PCDH15: variants seen among roughly 807,000 people sequenced by gnomAD.
The protein encoded by PCDH15 is protocadherin related 15, also known as protocadherin-15.
PCDH15 carries 129 observed loss-of-function variants against 178.5 expected under a neutral mutation model. That is an observed-to-expected ratio of 0.72 (90% CI 0.63 to 0.84). The LOEUF (loss-of-function observed/expected upper bound fraction) is 0.84, where lower values mean the gene tolerates loss of function less well. Among genes scored for constraint, PCDH15 ranks in the 40% least tolerant of loss-of-function variants. The pLI is 0.00. For missense variants in PCDH15, 2,230 were observed against 2,099.9 expected, an observed-to-expected ratio of 1.06 and a Z score of -1.21; for synonymous variants, 800 against 732.0, an observed-to-expected ratio of 1.09 and a Z score of -1.50.
At position 54,442,458 on chromosome 10, in the gene PCDH15, AT is replaced by A. The variant is rs376944332; in HGVS notation, c.158-63517del. Among the ~76,000 whole-genome samples, 21 of 94,772 alleles carry A rather than the reference AT, an allele frequency of 2.2e-4. 2 individuals carry two copies. The highest frequency in any genetic ancestry group is 5.4e-4 in the African/African-American group (12 of 22,380). 62.2% of individuals were successfully genotyped at this position (94,772 alleles called of 152,430 possible). A position where few individuals can be genotyped will look rare whatever the true frequency, so the allele number is the denominator to read the frequency against. ...TATATATATATATATATATATATAT[AT>A]ACAGTCTTTTTTATTATAATAAATA... is the stretch of plus-strand genomic sequence containing the variant. On this transcript the variant is annotated intron_variant, in intron 3 of 37. Transcript: ENST00000644397.
chr10:55,277,749 C>G (rs1163841354), intron 1 of PCDH15, among the ~76,000 whole-genome samples: 1 of 152,072 alleles, frequency 6.6e-6, no homozygotes, highest in Non-Finnish European at 1.5e-5. Context: ...AGCAACAGCT[C>G]TATTATGCTG....
chr10:54,837,738 G>T (rs1953342740), intron 3 of PCDH15, among the ~76,000 whole-genome samples: 1 of 152,104 alleles, frequency 6.6e-6, no homozygotes, highest in Non-Finnish European at 1.5e-5. Flanking sequence ...AGCCATTCAT[G>T]AATGAAAATG....
At chr10:55,380,176 G>A (rs1588970732) in intron 2 of PCDH15, among the ~76,000 whole-genome samples, 1 of 152,104 alleles carries the variant, frequency 6.6e-6, no homozygotes, top group East Asian at 1.9e-4. Context: ...ATGTATGGAG[G>A]TAGAAAGAAT....
At chr10:54,967,310 A>G (rs1838817338) in intron 2 of PCDH15, among the ~76,000 whole-genome samples, 1 of 152,170 alleles carries the variant, frequency 6.6e-6, no homozygotes, top group African/African-American at 2.4e-5. Flanking sequence ...TAAGAGTACC[A>G]CTGGATAGGT....
rs557513576 is a variant in PCDH15 at position 55,459,758 on chromosome 10, T to C, written c.-156+167867A>G. 7.9e-5 allele frequency among the ~76,000 whole-genome samples: 12 copies of C among 152,134 alleles called. 1 individual carries two copies. Among genetic ancestry groups the C allele is most frequent in the Admixed American group, 2.6e-4 (4 of 15,248 alleles). On this transcript the variant is annotated intron_variant, in intron 2 of 5. Coordinates refer to the PCDH15 transcript ENST00000613346. Reference sequence around the variant, plus strand: ...ACACTTAAGGTTTAGTCTGGGCAAATGGTTAATGTTGGTGAGTTTAAGAAA... The same window carrying C: ...ACACTTAAGGTTTAGTCTGGGCAAACGGTTAATGTTGGTGAGTTTAAGAAA...
At chr10:53,807,184 A>G in intron 37 of PCDH15, 54 bp from the exon 38 acceptor site, 1 of 1,390,000 alleles carries the variant, frequency 7.2e-7, no homozygotes, top group South Asian at 1.4e-5. Context: ...TAAAAAGGCA[A>G]TGATTACATT....
At chr10:54,669,409 A>G (rs1182505428) in intron 1 of PCDH15, among the ~76,000 whole-genome samples, 1 of 151,088 alleles carries the variant, frequency 6.6e-6, no homozygotes, top group Non-Finnish European at 1.5e-5. Flanking sequence ...ACAATTTTAT[A>G]GTACATTTAT....
chr10:53,928,393 A>G (rs955261331), intron 25 of PCDH15, among the ~76,000 whole-genome samples: 2 of 152,058 alleles, frequency 1.3e-5, no homozygotes, highest in East Asian at 1.9e-4. Flanking sequence ...TCTAATAACT[A>G]TGCTAAATCT....
chr10:54,095,527 G>T (rs904790574), intron 15 of PCDH15, among the ~76,000 whole-genome samples: 4 of 151,834 alleles, frequency 2.6e-5, no homozygotes, highest in Non-Finnish European at 5.9e-5. Flanking sequence ...AAAAATAAAA[G>T]AATGTTGGAA....
At chr10:54,078,603 G>C (rs1287630827) in intron 17 of PCDH15, among the ~76,000 whole-genome samples, 1 of 151,556 alleles carries the variant, frequency 6.6e-6, no homozygotes, top group East Asian at 1.9e-4. Flanking sequence ...AAAAAAAAGA[G>C]AATCACCTAA....
At chr10:53,987,936 T>G (rs975136030) in intron 21 of PCDH15, among the ~76,000 whole-genome samples, 1 of 152,226 alleles carries the variant, frequency 6.6e-6, no homozygotes, top group Admixed American at 6.5e-5. Context: ...GAGAGTCTAT[T>G]TCCAGGTTTT....
chr10:53,895,488 A>G (rs901430980), intron 26 of PCDH15, among the ~76,000 whole-genome samples: 2 of 152,240 alleles, frequency 1.3e-5, no homozygotes, highest in Non-Finnish European at 2.9e-5. Context: ...CTTTCAGTAG[A>G]GATCAAATCA....
At chr10:53,856,021 CAGG>C (rs2078718327) in intron 28 of PCDH15, among the ~76,000 whole-genome samples, 1 of 149,966 alleles carries the variant, frequency 6.7e-6, no homozygotes, top group Admixed American at 6.7e-5. Flanking sequence ...TGAAGTAACT[CAGG>C]AATGAAAAAA....
intron 3 of PCDH15, among the ~76,000 whole-genome samples, chr10:54,455,050 T>C (rs2076730699): frequency 6.6e-6 from 1 of 152,136 alleles, no homozygotes; most frequent in African/African-American, 2.4e-5. Context: ...GGTTTTTCCC[T>C]TTTTGCTCAG....
rs560837504 is a variant in PCDH15, at chr10:53,822,503, A to G, written c.4368-2273T>C. 6.2e-6 allele frequency: 10 copies of G among 1,612,608 alleles called. No homozygotes were observed. Among genetic ancestry groups the G allele is most frequent in the Non-Finnish European group, 8.5e-6 (10 of 1,179,436 alleles). ...GAGGGGGAAGGGGACAGGCAGAAGG[A>G]GAGATGTTTGGTGGATGGGCAAAAT... On this transcript the variant is annotated intron_variant, in intron 32 of 37. Transcript: ENST00000644397.
chr10:55,316,263 G>T (rs151231808), intron 1 of PCDH15, among the ~76,000 whole-genome samples: 1 of 152,038 alleles, frequency 6.6e-6, no homozygotes, highest in Non-Finnish European at 1.5e-5. Context: ...GTGATTACCT[G>T]TCAGGGAAAC....
chr10:54,486,811 G>A (rs963236180), intron 3 of PCDH15, among the ~76,000 whole-genome samples: 1 of 151,830 alleles, frequency 6.6e-6, no homozygotes, highest in African/African-American at 2.4e-5. Flanking sequence ...GGGGAACAGG[G>A]GCTTGCCCTT....
intron 2 of PCDH15, among the ~76,000 whole-genome samples, chr10:55,609,999 A>G (rs1380193628): frequency 6.6e-6 from 1 of 152,140 alleles, no homozygotes; most frequent in African/African-American, 2.4e-5. Flanking sequence ...TAGGCAAAAT[A>G]GAATGTGTTC....
intron 6 of PCDH15, among the ~76,000 whole-genome samples, chr10:54,340,253 G>A (rs1294116353): frequency 6.6e-6 from 1 of 151,938 alleles, no homozygotes; most frequent in Non-Finnish European, 1.5e-5. Flanking sequence ...TCAGCAAGTG[G>A]TCTCTTTTTA....
Sources: gnomAD v4.1 joint callset for allele counts (sites outside exome capture counted in the v4.1 genomes callset) on GRCh38, gnomAD v4.1.1 for gene constraint, MANE v1.5 for transcripts, NCBI Gene and HGNC (gene_info 2026-07-23, HGNC 2026-07-21) for gene names.